Variants in ARHGAP35 observed in about 807,000 individuals in gnomAD.
ARHGAP35 encodes the protein rho GTPase-activating protein 35.
In ARHGAP35, 15 loss-of-function variants were observed where a neutral mutation model predicts 111.1. The ratio of observed to expected loss-of-function variants is 0.13; its 90% confidence interval spans 0.09 to 0.21. The LOEUF (loss-of-function observed/expected upper bound fraction) is 0.21. Ranked by LOEUF, ARHGAP35 falls within the 10% of genes least tolerant of loss-of-function variation. ARHGAP35 has a pLI of 1.00. For missense variants in ARHGAP35, 1,262 were observed against 1,873.0 expected, an observed-to-expected ratio of 0.67 and a Z score of 6.02; for synonymous variants, 643 against 710.3, an observed-to-expected ratio of 0.91 and a Z score of 1.51.
In ARHGAP35 at chr19:46,945,759, C is replaced by G. The variant is rs2056375936; in HGVS notation, c.3826+8351C>G. Among the ~76,000 whole-genome samples, 1 of 152,190 alleles carries G rather than the reference C, an allele frequency of 6.6e-6. No homozygotes were observed. Among genetic ancestry groups the G allele is most frequent in the Non-Finnish European group, 1.5e-5 (1 of 68,044 alleles). On this transcript the variant is annotated intron_variant, in intron 3 of 6. Coordinates refer to ENST00000672722, the MANE Select transcript of ARHGAP35 (RefSeq NM_004491.5). This position sits in a 1 kb window ranked among gnomAD's most constrained non-coding sequence, Gnocchi z 4.1. The stretch of plus-strand genomic sequence containing the variant: ...TTGCTATTTAACTAGAAATAGCATT[C>G]TCTACGCATGCTTTCTTTGAATAAT...
In ARHGAP35 at chr19:46,988,108, C is replaced by T; in HGVS notation, c.3904+42C>T. ...CCAGGCATCCGAGGCCAGAGCTGGT[C>T]AAGGCAGACACAGCTGCCTCGGTGA... is the stretch of plus-strand genomic sequence containing the variant. On this transcript the variant is annotated intron_variant, in intron 4 of 6. Coordinates refer to ENST00000672722, the MANE Select transcript of ARHGAP35 (RefSeq NM_004491.5). The surrounding 1 kb of genome is among the most constrained non-coding windows in gnomAD (Gnocchi z 5.4). The T allele has an allele frequency of 6.3e-7, 1 of 1,582,534 alleles. No homozygotes were observed.
intron 1 of ARHGAP35, among the ~76,000 whole-genome samples, chr19:46,867,152 A>T (rs1478438407): frequency 6.6e-6 from 1 of 152,224 alleles, no homozygotes; most frequent in East Asian, 1.9e-4. Context: ...AGAGAACCAG[A>T]TACTTTCAGC....
At chr19:46,876,281 G>C (rs772756728) in intron 1 of ARHGAP35, among the ~76,000 whole-genome samples, 22 of 151,494 alleles carry the variant, frequency 1.5e-4, no homozygotes, top group Non-Finnish European at 2.8e-4. Context: ...CCTTACTGCA[G>C]CCTTACCTCA....
intron 1 of ARHGAP35, among the ~76,000 whole-genome samples, chr19:46,907,182 C>T (rs1254017776): frequency 6.6e-6 from 1 of 152,238 alleles, no homozygotes; most frequent in African/African-American, 2.4e-5. Context: ...GAGTCTCGTT[C>T]TGTCGCCAGG....
intron 3 of ARHGAP35, among the ~76,000 whole-genome samples, chr19:46,984,221 T>C (rs1193565192): frequency 6.6e-6 from 1 of 152,142 alleles, no homozygotes; most frequent in Admixed American, 6.5e-5. Flanking sequence ...TCAGATGGAC[T>C]TGGGAGCCTG....
chr19:46,883,288 C>A (rs993008583), intron 1 of ARHGAP35, among the ~76,000 whole-genome samples: 1 of 149,820 alleles, frequency 6.7e-6, no homozygotes, highest in African/African-American at 2.5e-5. Flanking sequence ...TTAGTAGAGA[C>A]AGGGTTTCGC....
rs1401104549 is a variant in ARHGAP35 at position 46,918,799 on chromosome 19, T to A, written c.124T>A (p.Phe42Ile). The A allele has an allele frequency of 6.2e-7, 1 of 1,613,880 alleles. No homozygotes were observed. The highest frequency in any genetic ancestry group is 1.3e-5 in the African/African-American group (1 of 74,930). Residue 42 changes from phenylalanine (F) to isoleucine (I), a missense_variant, in exon 2 of 7, where the codon TTC becomes ATC. Around this residue, in one of 8 missense-constraint regions of ARHGAP35, gnomAD observed 125 missense variants for 301.7 expected, o/e 0.41. Coordinates refer to ENST00000672722, the MANE Select transcript of ARHGAP35 (RefSeq NM_004491.5). The surrounding 1 kb of genome is among the most constrained non-coding windows in gnomAD (Gnocchi z 5.4). ...TGGAAAGTCTTGTTTGTGCAACCGC[T>A]TCGTGCGCCCGAGTGCTGACGAGTT... ...GIGKSCLCNR[F>I]VRPSADEFHL...
In ARHGAP35 at chr19:46,936,075, C is replaced by T. The variant is rs547941934; in HGVS notation, c.3682-1189C>T. 2.0e-5 allele frequency among the ~76,000 whole-genome samples: 3 copies of T among 152,158 alleles called. No homozygotes were observed. In the South Asian group the frequency reaches 6.2e-4, roughly 32 times the overall value. On this transcript the variant is annotated intron_variant, in intron 2 of 6. Transcript: ENST00000672722. ...TGGCAGGCTGGGCAACATAGTGAGA[C>T]CCTCATCTCTACAGAAAATTTAAAA...
chr19:46,862,565 T>C (rs963407585), intron 1 of ARHGAP35, among the ~76,000 whole-genome samples: 2 of 152,184 alleles, frequency 1.3e-5, no homozygotes, highest in Non-Finnish European at 2.9e-5. Context: ...AGATCCATTT[T>C]GTACCTACAC....
chr19:46,948,783 A>G (rs2056395377), intron 3 of ARHGAP35: 1 of 152,240 alleles, frequency 6.6e-6, no homozygotes, highest in Non-Finnish European at 1.5e-5. Context: ...ATCGATTGCA[A>G]AGAGACAATA....
At chr19:46,893,026 G>A (rs1352941172) in intron 1 of ARHGAP35, among the ~76,000 whole-genome samples, 2 of 152,162 alleles carry the variant, frequency 1.3e-5, no homozygotes, top group African/African-American at 2.4e-5. Flanking sequence ...CACCGTCATG[G>A]TCCTTTGCAC....
intron 2 of ARHGAP35, 116 bp from the exon 3 acceptor site, chr19:46,937,148 A>G: frequency 3.9e-6 from 5 of 1,282,242 alleles, no homozygotes; most frequent in Non-Finnish European, 5.4e-6. Context: ...CCACTTCTTG[A>G]CATTCTTTCT....
At chr19:46,866,173 T>C (rs769819141) in intron 1 of ARHGAP35, among the ~76,000 whole-genome samples, 1 of 152,200 alleles carries the variant, frequency 6.6e-6, no homozygotes, top group Non-Finnish European at 1.5e-5. Flanking sequence ...TCTTTTGTTA[T>C]TCATCACAGC....
intron 3 of ARHGAP35, among the ~76,000 whole-genome samples, chr19:46,968,991 G>A (rs149615451): frequency 1.5e-4 from 23 of 152,296 alleles, no homozygotes; most frequent in African/African-American, 5.3e-4. Flanking sequence ...GGAGACTGAG[G>A]CGGAAGAATC....
chr19:46,949,676 C>A (rs116860135), intron 3 of ARHGAP35, among the ~76,000 whole-genome samples: 3 of 152,210 alleles, frequency 2.0e-5, no homozygotes, highest in African/African-American at 7.2e-5. Context: ...GAGTAGCTGG[C>A]CAACCATAGG....
chr19:46,991,346 G>A (rs1304830285), intron 5 of ARHGAP35, among the ~76,000 whole-genome samples: 2 of 152,216 alleles, frequency 1.3e-5, no homozygotes, highest in South Asian at 4.1e-4. Flanking sequence ...CTAGAGGTGC[G>A]TGAAATCCTG....
chr19:46,928,360 T>C (rs1254243917), intron 2 of ARHGAP35, among the ~76,000 whole-genome samples: 1 of 152,220 alleles, frequency 6.6e-6, no homozygotes, highest in Non-Finnish European at 1.5e-5. Context: ...GGACTCAAAT[T>C]ATTCCAGCTC....
At chr19:46,954,502 G>A (rs1187057567) in intron 3 of ARHGAP35, among the ~76,000 whole-genome samples, 1 of 152,250 alleles carries the variant, frequency 6.6e-6, no homozygotes, top group Non-Finnish European at 1.5e-5. Context: ...GAGAGCCGTG[G>A]TCTGAAGAGA....
At chr19:46,978,474 T>TG (rs1417805259) in intron 3 of ARHGAP35, among the ~76,000 whole-genome samples, 18 of 150,098 alleles carry the variant, frequency 1.2e-4, no homozygotes, top group Admixed American at 1.2e-3. Flanking sequence ...GGTCTGTGTG[T>TG]GGGGGGTAGG....
Sources: allele counts gnomAD v4.1 joint callset (sites outside exome capture counted in the v4.1 genomes callset), GRCh38; gene constraint gnomAD v4.1.1; regional missense constraint gnomAD v4.1.1; non-coding constraint Gnocchi (gnomAD v3.1); transcripts MANE v1.5; gene names NCBI Gene and HGNC (gene_info 2026-07-23, HGNC 2026-07-21).